Variants in CFDP1 observed in about 807,000 individuals in gnomAD.
The protein encoded by CFDP1 is heterochromatin-stabilizing protein CFDP1.
Under a neutral mutation model 40.1 loss-of-function variants are expected in CFDP1, and 31 were observed. That is an observed-to-expected ratio of 0.77 (90% CI 0.58 to 1.04). The LOEUF is 1.04. Among genes scored for constraint, CFDP1 ranks in the 50% least tolerant of loss-of-function variants. CFDP1 has a pLI of 0.00. For missense variants in CFDP1, 423 were observed against 343.4 expected (o/e 1.23, Z -1.83); for synonymous variants, 167 against 120.0 (o/e 1.39, Z -2.56).
At chr16:75,336,504 A>C (rs1030907148) in intron 5 of CFDP1, among the ~76,000 whole-genome samples, 2 of 152,216 alleles carry the variant, frequency 1.3e-5, no homozygotes, top group African/African-American at 2.4e-5. Context: ...AAGACCCTCC[A>C]CTTCTTCCTT....
chr16:75,399,555 T>C (rs1052599079), intron 4 of CFDP1, among the ~76,000 whole-genome samples: 2 of 152,194 alleles, frequency 1.3e-5, no homozygotes, highest in Admixed American at 6.5e-5. Context: ...TTCTTTTTTT[T>C]TGTTTTAAAG....
intron 5 of CFDP1, among the ~76,000 whole-genome samples, chr16:75,342,197 G>A (rs1177029426): frequency 6.6e-6 from 1 of 152,154 alleles, no homozygotes; most frequent in Non-Finnish European, 1.5e-5. Context: ...TAACATCGAA[G>A]TTTACTTTTT....
At chr16:75,426,671 G>A (rs960080802) in intron 1 of CFDP1, among the ~76,000 whole-genome samples, 2 of 151,734 alleles carry the variant, frequency 1.3e-5, no homozygotes, top group Non-Finnish European at 2.9e-5. Flanking sequence ...GCAAGACTCT[G>A]TTTCAAAAAA....
chr16:75,365,279 T>A (rs546254119), intron 5 of CFDP1, among the ~76,000 whole-genome samples: 2 of 152,226 alleles, frequency 1.3e-5, no homozygotes, highest in Admixed American at 6.5e-5. Flanking sequence ...AGCAGCTTTT[T>A]GGGACTAACC....
chr16:75,382,916 C>T (rs1013002281), intron 5 of CFDP1, among the ~76,000 whole-genome samples: 1 of 152,178 alleles, frequency 6.6e-6, no homozygotes, highest in South Asian at 2.1e-4. Flanking sequence ...AAAGCAGAAG[C>T]CAATGCAAAG....
intron 5 of CFDP1, among the ~76,000 whole-genome samples, chr16:75,390,298 C>T (rs759913435): frequency 6.6e-6 from 1 of 152,250 alleles, no homozygotes; most frequent in Non-Finnish European, 1.5e-5. Flanking sequence ...TCAGACTCCA[C>T]TGAGCCCTCT....
At chr16:75,347,359 A>AAAAAAAAAAAAAAAAAAG (rs1555556963) in intron 5 of CFDP1, among the ~76,000 whole-genome samples, 162 of 53,606 alleles carry the variant, frequency 3.0e-3, no homozygotes, top group South Asian at 5.4e-3. Flanking sequence ...AAAAAAAAAA[A>AAAAAAAAAAAAAAAAAAG]AAAAAGAAAA....
chr16:75,302,973 G>A (rs2078231087), intron 6 of CFDP1, among the ~76,000 whole-genome samples: 1 of 152,066 alleles, frequency 6.6e-6, no homozygotes, highest in Non-Finnish European at 1.5e-5. Context: ...AGGCGGGTGG[G>A]CAGATCACCC....
chr16:75,330,342 T>G (rs1313012560), intron 5 of CFDP1, among the ~76,000 whole-genome samples: 2 of 152,186 alleles, frequency 1.3e-5, no homozygotes, highest in Admixed American at 6.5e-5. Context: ...ATCCCAACAC[T>G]TTGGGAGGCC....
intron 5 of CFDP1, among the ~76,000 whole-genome samples, chr16:75,357,643 T>C (rs536876059): frequency 1.8e-4 from 27 of 152,288 alleles, no homozygotes; most frequent in African/African-American, 6.5e-4. Flanking sequence ...TCAGCCTTCA[T>C]AGAATTGAAG....
At chr16:75,419,095 C>T (rs185437002) in intron 1 of CFDP1, 13 of 394,422 alleles carry the variant, frequency 3.3e-5, no homozygotes, top group Admixed American at 1.6e-4. Context: ...GTAAGCAGGA[C>T]GCCGACTCAT....
chr16:75,408,018 G>A (rs2079118354), intron 4 of CFDP1, among the ~76,000 whole-genome samples: 1 of 151,992 alleles, frequency 6.6e-6, no homozygotes, highest in Non-Finnish European at 1.5e-5. Flanking sequence ...GTGGGAGAAT[G>A]ACTTGAGTCC....
chr16:75,380,135 C>T (rs2078840775), intron 5 of CFDP1: 1 of 149,080 alleles, frequency 6.7e-6, no homozygotes, highest in South Asian at 2.1e-4. Context: ...AAAACTCCAT[C>T]TGAAAAAAAA....
intron 1 of CFDP1, among the ~76,000 whole-genome samples, chr16:75,417,797 A>G (rs1401340226): frequency 2.0e-5 from 3 of 152,148 alleles, no homozygotes; most frequent in Non-Finnish European, 4.4e-5. Flanking sequence ...ATACATCTTC[A>G]TCAAGATGCA....
chr16:75,334,076 C>G (rs2078467680), intron 5 of CFDP1, among the ~76,000 whole-genome samples: 1 of 152,030 alleles, frequency 6.6e-6, no homozygotes, highest in Non-Finnish European at 1.5e-5. Context: ...AATGTTCTGC[C>G]AGAGCCTCTG....
chr16:75,369,282 T>C (rs1270402785), intron 5 of CFDP1, among the ~76,000 whole-genome samples: 1 of 152,038 alleles, frequency 6.6e-6, no homozygotes, highest in Non-Finnish European at 1.5e-5. Flanking sequence ...CCAGGCGCAG[T>C]AGCTCATGCC....
chr16:75,369,889 GCTGGAACTACAGGCCTGCACCAC>G (rs2078739637), intron 5 of CFDP1, among the ~76,000 whole-genome samples: 1 of 151,390 alleles, frequency 6.6e-6, no homozygotes. Flanking sequence ...CTCCCCAGTG[GCTGGAACTACAGGCCTGCACCAC>G]CAAGCTCAGC....
intron 1 of CFDP1, among the ~76,000 whole-genome samples, chr16:75,422,263 A>C (rs1405736439): frequency 6.6e-6 from 1 of 151,342 alleles, no homozygotes; most frequent in African/African-American, 2.4e-5. Context: ...CACCCGGCTA[A>C]TTTTTTGTAT....
At chr16:75,414,470 A>C (rs2079187433) in intron 2 of CFDP1, 108 bp downstream of exon 2, 14 of 679,036 alleles carry the variant, frequency 2.1e-5, no homozygotes, top group Non-Finnish European at 2.1e-5. Context: ...CAAAGAGAAA[A>C]GGGTTAGAAA....
Sources: gnomAD v4.1 joint callset for allele counts (sites outside exome capture counted in the v4.1 genomes callset) on GRCh38, gnomAD v4.1.1 for gene constraint, MANE v1.5 for transcripts, NCBI Gene and HGNC (gene_info 2026-07-23, HGNC 2026-07-21) for gene names.